Variants in IGLL5 observed in about 807,000 individuals in gnomAD.
The protein encoded by IGLL5 is immunoglobulin lambda like polypeptide 5.
IGLL5 carries 30 observed loss-of-function variants against 20.9 expected under a neutral mutation model. The observed-to-expected ratio is 1.44, with a 90% confidence interval of 1.07 to 1.95. IGLL5 has a LOEUF of 1.95. IGLL5 is among the 30% of genes most tolerant of loss of function. IGLL5 has a pLI of 0.00. For missense variants in IGLL5, 475 were observed against 270.7 expected, an observed-to-expected ratio of 1.75 and a Z score of -5.30; for synonymous variants, 203 against 117.3, an observed-to-expected ratio of 1.73 and a Z score of -4.72.
intron 1 of IGLL5, among the ~76,000 whole-genome samples, chr22:22,888,824 A>T (rs549312772): frequency 1.3e-5 from 2 of 151,390 alleles, no homozygotes; most frequent in Admixed American, 6.6e-5. Flanking sequence ...CAGTCATTGG[A>T]ACAGGCCCAC....
At chr22:22,894,300 T>G (rs1034736992) in intron 2 of IGLL5, among the ~76,000 whole-genome samples, 2 of 151,062 alleles carry the variant, frequency 1.3e-5, no homozygotes, top group African/African-American at 2.4e-5. Context: ...CACGGCCTGG[T>G]GACACAGAGG....
At chr22:22,888,430 T>G (rs550696614) in intron 1 of IGLL5, among the ~76,000 whole-genome samples, 171 bp downstream of exon 1, 1 of 151,480 alleles carries the variant, frequency 6.6e-6, no homozygotes, top group East Asian at 2.0e-4. Context: ...CAGATTTGTT[T>G]GAATTACTGT....
rs980774122 is a variant in IGLL5, at chr22:22,892,120, T to C, written c.207-1580T>C. ...AATGTTTTGCCTTTAAATATGAAGG[T>C]TGCTGTAAATTTGGGGAGATATTCT... On this transcript the variant is annotated intron_variant, in intron 1 of 2. Coordinates refer to ENST00000526893, the MANE Select transcript of IGLL5 (RefSeq NM_001178126.2). 5.3e-5 allele frequency among the ~76,000 whole-genome samples: 8 copies of C among 151,254 alleles called. 1 individual carries two copies. The highest frequency in any genetic ancestry group is 1.2e-4 in the African/African-American group (5 of 41,186).
chr22:22,888,243 C>T lies in IGLL5; in HGVS notation c.190C>T (p.Arg64Trp), dbSNP rs144275260. The T allele has an allele frequency of 9.7e-4, 1,495 of 1,547,736 alleles. 12 individuals are homozygous for T. The African/African-American group carries it at 0.015, about 16-fold the overall frequency. Residue 64 changes from arginine to tryptophan, a missense_variant, in exon 1 of 3, where the codon CGG becomes TGG. Transcript: ENST00000526893. The part of the protein sequence containing the change: ...ASVGSSRSSL[R>W]SLWGRLLLQP... ...AGTTGGAAGCAGCCGATCCAGCCTG[C>T]GGAGCCTGTGGGGCAGGTAAGGGGC...
chr22:22,893,933 T>C (rs2067950928), intron 2 of IGLL5, 115 bp downstream of exon 2: 8 of 789,938 alleles, frequency 1.0e-5, no homozygotes, highest in African/African-American at 6.8e-5. Flanking sequence ...GCACTGACCC[T>C]TACCTTTCTC....
At chr22:22,893,922 A>C (rs1160065673) in intron 2 of IGLL5, 104 bp downstream of exon 2, 6 of 832,904 alleles carry the variant, frequency 7.2e-6, no homozygotes, top group Admixed American at 1.8e-5. Flanking sequence ...CCCAGCCTTA[A>C]GCACTGACCC....
At chr22:22,894,575 G>A (rs181971226) in intron 2 of IGLL5, among the ~76,000 whole-genome samples, 3 of 151,500 alleles carry the variant, frequency 2.0e-5, no homozygotes, top group Middle Eastern at 3.7e-3. Flanking sequence ...TCCTCAAAGG[G>A]CATGTTAGAC....
At chr22:22,888,391 TTAG>T (rs2145978899) in intron 1 of IGLL5, 132 bp downstream of exon 1, 1 of 703,774 alleles carries the variant, frequency 1.4e-6, no homozygotes, top group East Asian at 2.7e-5. Flanking sequence ...GACACTGGCT[TTAG>T]TAATGGGTTG....
In IGLL5 at chr22:22,888,212, A is replaced by G. The variant is rs545571564; in HGVS notation, c.159A>G (p.Gly53=). ...CGCAAAGCGGGGACCCAGACCCTGG[A>G]GCCTCAGTTGGAAGCAGCCGATCCA... ...VAPQSGDPDP[G]ASVGSSRSSL... is the part of the protein sequence containing the mutation. Residue 53 remains glycine, a synonymous_variant, in exon 1 of 3, where the codon GGA becomes GGG. Coordinates refer to ENST00000526893, the MANE Select transcript of IGLL5 (RefSeq NM_001178126.2). 1.3e-6 allele frequency: 2 copies of G among 1,548,464 alleles called. No individual in the cohort carries two copies. Among genetic ancestry groups the G allele is most frequent in the Non-Finnish European group, 1.7e-6 (2 of 1,146,506 alleles).
chr22:22,895,285 A>G (rs2066737718), intron 2 of IGLL5, 90 bp from the exon 3 acceptor site: 1 of 1,244,342 alleles, frequency 8.0e-7, no homozygotes, highest in Non-Finnish European at 1.2e-6. Flanking sequence ...CACACTGTGA[A>G]CCCTCCCAGA....
intron 2 of IGLL5, among the ~76,000 whole-genome samples, chr22:22,894,597 C>G (rs2146043200): frequency 6.6e-6 from 1 of 151,284 alleles, no homozygotes; most frequent in South Asian, 2.1e-4. Context: ...CAGGAAATGA[C>G]CAGAGGGGAG....
At chr22:22,894,424 T>G (rs150415532) in intron 2 of IGLL5, among the ~76,000 whole-genome samples, 2 of 151,388 alleles carry the variant, frequency 1.3e-5, no homozygotes, top group Admixed American at 6.6e-5. Context: ...CGGGTGAGAC[T>G]GGGTGAGGTG....
Position 22,895,719 on chromosome 22 carries a change from G to T in IGLL5, c.*25G>T, listed in dbSNP as rs541054904. ...GGTTCCCAACTCTAACCCCACCCAC[G>T]GGAGCCTGGAGCTGCAGGATCCCAG... is the stretch of plus-strand genomic sequence containing the variant. On this transcript the variant is annotated 3_prime_UTR_variant, in exon 3 of 3. Transcript: ENST00000526893. The T allele has an allele frequency of 6.2e-7, 1 of 1,610,112 alleles. No homozygotes were observed. The highest frequency in any genetic ancestry group is 1.3e-5 in the African/African-American group (1 of 74,796).
chr22:22,894,196 G>T (rs565362654), intron 2 of IGLL5, among the ~76,000 whole-genome samples: 4 of 151,460 alleles, frequency 2.6e-5, no homozygotes, highest in Middle Eastern at 3.8e-3. Flanking sequence ...GGTGGGCCTG[G>T]GAGCTGCTGA....
intron 1 of IGLL5, 113 bp from the exon 2 acceptor site, chr22:22,893,587 G>T: frequency 1.6e-6 from 1 of 639,630 alleles, no homozygotes; most frequent in Non-Finnish European, 2.8e-6. Flanking sequence ...TGTGGCACTT[G>T]CCTTGGACAG....
Position 22,895,786 on chromosome 22 carries a change from T to C in IGLL5, c.*92T>C, listed in dbSNP as rs994369252. ...CCCATCCCAAGTCATCCAGCCCTTCTCCCTGCACTCATGAAACCCCAATAA... is the reference window on the plus strand; with the variant it reads ...CCCATCCCAAGTCATCCAGCCCTTCCCCCTGCACTCATGAAACCCCAATAA... On this transcript the variant is annotated 3_prime_UTR_variant, in exon 3 of 3. Coordinates refer to ENST00000526893, the MANE Select transcript of IGLL5 (RefSeq NM_001178126.2). 2.6e-6 allele frequency: 3 copies of C among 1,166,802 alleles called. No homozygotes were observed. The highest frequency in any genetic ancestry group is 2.6e-6 in the Non-Finnish European group (2 of 778,066). The allele number at this position is 1,166,802 out of a possible 1,614,324, so 72.3% of individuals were successfully genotyped here.
At chr22:22,888,362 C>A in intron 1 of IGLL5, 103 bp downstream of exon 1, 1 of 1,063,494 alleles carries the variant, frequency 9.4e-7, no homozygotes, top group Non-Finnish European at 1.4e-6. Context: ...AAGGTTAACC[C>A]CTAAGAGGGG....
At chr22:22,892,063 C>T (rs1465577845) in intron 1 of IGLL5, among the ~76,000 whole-genome samples, 1 of 151,352 alleles carries the variant, frequency 6.6e-6, no homozygotes, top group Non-Finnish European at 1.5e-5. Flanking sequence ...AAAAGTGAGA[C>T]TAGACAACCT....
intron 1 of IGLL5, among the ~76,000 whole-genome samples, chr22:22,891,022 A>G: frequency 6.6e-6 from 1 of 151,060 alleles, no homozygotes; most frequent in East Asian, 2.0e-4. Context: ...TATGTATTGT[A>G]AATATTTTTC....
Sources: allele counts gnomAD v4.1 joint callset (sites outside exome capture counted in the v4.1 genomes callset), GRCh38; gene constraint gnomAD v4.1.1; transcripts MANE v1.5; gene names NCBI Gene and HGNC (gene_info 2026-07-23, HGNC 2026-07-21).